The following TRIM37 variants were observed in gnomAD, a reference collection of about 807,000 sequenced individuals.
TRIM37 encodes the protein E3 ubiquitin-protein ligase TRIM37.
Under a neutral mutation model 129.8 loss-of-function variants are expected in TRIM37, and 80 were observed. That is an observed-to-expected ratio of 0.62 (90% CI 0.51 to 0.74). The LOEUF (loss-of-function observed/expected upper bound fraction) is 0.74. Ranked by LOEUF, TRIM37 falls within the 30% of genes least tolerant of loss-of-function variation. The probability of loss-of-function intolerance (pLI) is 0.00; values close to 1 mark genes in which losing one functional copy is unlikely to be tolerated. For missense variants in TRIM37, 1,054 were observed against 1,176.5 expected (o/e 0.90, Z 1.52); for synonymous variants, 389 against 387.1 (o/e 1.00, Z -0.06).
intron 9 of TRIM37, among the ~76,000 whole-genome samples, chr17:59,068,237 T>A (rs891888654): frequency 1.9e-4 from 29 of 152,182 alleles, no homozygotes; most frequent in African/African-American, 6.8e-4. Context: ...CTGCTGAAAG[T>A]GGTATAAGAA....
downstream of TRIM37, among the ~76,000 whole-genome samples, chr17:58,993,690 TG>T (rs1173161180): frequency 1.3e-5 from 2 of 152,166 alleles, no homozygotes; most frequent in Admixed American, 6.5e-5. Context: ...GTGACTGAAA[TG>T]TTCTGTATAG....
chr17:59,051,253 T>C lies in TRIM37; in HGVS notation c.1275A>G (p.Ala425=). 6.2e-7 allele frequency: 1 copy of C among 1,613,914 alleles called. No homozygotes were observed. The highest frequency in any genetic ancestry group is 8.5e-7 in the Non-Finnish European group (1 of 1,179,842). ...TTATTTGTTGGATATAACTAGTCTG[T>C]GCAGCTTCCAACTGAGTAATGTACC... ...QHWYITQLEA[A]QTSYIQQINN... The change falls in exon 14 of 24, where the codon GCA becomes GCG. Residue 425 remains alanine, a synonymous_variant. Coordinates refer to ENST00000262294, the MANE Select transcript of TRIM37 (RefSeq NM_015294.6).
rs1435924536 is a variant in TRIM37, at chr17:59,104,335, C to T, written c.81G>A (p.Leu27=). The change falls in exon 2 of 24, where the codon CTG becomes CTA. Residue 27 remains leucine (L), a synonymous_variant. Coordinates refer to ENST00000262294, the MANE Select transcript of TRIM37 (RefSeq NM_015294.6). ...AACACAGTTTGGAGCAATGAGGACACAGGCGTGCATCCCGCAATTTCTCCA... is the reference window on the plus strand; with the variant it reads ...AACACAGTTTGGAGCAATGAGGACATAGGCGTGCATCCCGCAATTTCTCCA... ...ICMEKLRDAR[L]CPHCSKLCCF... 6.2e-7 allele frequency: 1 copy of T among 1,614,184 alleles called. No homozygotes were observed. The highest frequency in any genetic ancestry group is 1.1e-5 in the South Asian group (1 of 91,084).
intron 19 of TRIM37, among the ~76,000 whole-genome samples, chr17:59,023,460 T>C (rs1233079126): frequency 7.2e-5 from 11 of 151,990 alleles, no homozygotes; most frequent in Admixed American, 5.9e-4. Context: ...AAGACCATCC[T>C]GGCTAACATG....
At chr17:59,055,458 G>A (rs2040763209) in intron 13 of TRIM37, among the ~76,000 whole-genome samples, 1 of 151,954 alleles carries the variant, frequency 6.6e-6, no homozygotes, top group African/African-American at 2.4e-5. Flanking sequence ...CACTTTGGAG[G>A]CTGAGGCAGG....
intron 4 of TRIM37, 97 bp from the exon 5 acceptor site, chr17:59,084,186 GATT>G: frequency 6.7e-6 from 6 of 901,454 alleles, no homozygotes; most frequent in Middle Eastern, 2.3e-4. Flanking sequence ...AGTTTTAAAT[GATT>G]ATATCTCAAG....
intron 2 of TRIM37, among the ~76,000 whole-genome samples, chr17:59,102,187 CA>C (rs1472245233): frequency 3.3e-5 from 5 of 152,046 alleles, no homozygotes; most frequent in Admixed American, 3.3e-4. Context: ...TCAAATTTCC[CA>C]AAGTAGGTGA....
chr17:58,985,156 T>C (rs1294336914), intron 24 of TRIM37: 1 of 152,664 alleles, frequency 6.6e-6, no homozygotes, highest in African/African-American at 2.4e-5. Context: ...ATTATCTTAA[T>C]AAAACCTGGC....
chr17:58,971,855 A>G, the TRIM37 span, among the ~76,000 whole-genome samples: 15 of 152,388 alleles, frequency 9.8e-5, no homozygotes, highest in Admixed American at 9.8e-4. Flanking sequence ...GGCAAGTCAC[A>G]TAACCTGCCA....
the TRIM37 span, chr17:58,973,033 C>A: frequency 1.5e-6 from 1 of 674,426 alleles, no homozygotes; most frequent in Non-Finnish European, 2.5e-6. Context: ...TACCAGAATG[C>A]TTATTATTCT....
At chr17:58,972,087 T>C in the TRIM37 span, 1 of 1,569,144 alleles carries the variant, frequency 6.4e-7, no homozygotes, top group Admixed American at 1.8e-5. Flanking sequence ...GAATGTAGTA[T>C]CTATTTCTTT....
At chr17:59,047,959 G>T in intron 15 of TRIM37, 140 bp from the exon 16 acceptor site, 1 of 923,204 alleles carries the variant, frequency 1.1e-6, no homozygotes, top group Non-Finnish European at 1.7e-6. Context: ...CTCAGCTGCT[G>T]AGCCCTGTAG....
At chr17:58,986,370 A>G (rs1233560846) in intron 24 of TRIM37, among the ~76,000 whole-genome samples, 3 of 150,004 alleles carry the variant, frequency 2.0e-5, no homozygotes, top group Non-Finnish European at 4.4e-5. Flanking sequence ...AGCTCATTTT[A>G]TTATTATTAG....
At chr17:58,982,006 G>A (rs1047112618), downstream of TRIM37, 6 of 152,602 alleles carry the variant, frequency 3.9e-5, no homozygotes, top group Admixed American at 2.6e-4. Context: ...TGATTTTAGA[G>A]AATGAAAAAT....
downstream of TRIM37, chr17:58,981,330 A>C: frequency 6.9e-6 from 2 of 291,296 alleles, no homozygotes; most frequent in Non-Finnish European, 1.3e-5. Context: ...CCTTCCCACC[A>C]TCCCTTCAGT....
chr17:59,031,801 A>T (rs1348004838), intron 18 of TRIM37, 95 bp downstream of exon 18: 1 of 1,247,298 alleles, frequency 8.0e-7, no homozygotes, highest in African/African-American at 1.5e-5. Flanking sequence ...GAAATACACC[A>T]TGTTCCACAC....
chr17:59,031,959 T>C lies in TRIM37; in HGVS notation c.1885A>G (p.Ser629Gly). 6.2e-7 allele frequency: 1 copy of C among 1,614,170 alleles called. No individual in the cohort carries two copies. Among genetic ancestry groups the C allele is most frequent in the Non-Finnish European group, 8.5e-7 (1 of 1,180,010 alleles). The change falls in exon 18 of 24, where the codon AGC (serine) becomes GGC (glycine). Residue 629 changes from serine (S) to glycine (G), a missense_variant. Ser to Gly is a moderately conservative substitution (Grantham distance 56, BLOSUM62 0). Coordinates refer to ENST00000262294, the MANE Select transcript of TRIM37 (RefSeq NM_015294.6). The stretch of plus-strand genomic sequence containing the variant: ...AAGCCCCACAAATTTTCTATACTGC[T>C]CCGGTCCTTAAGGTCCAACAAATGT... ...LIHLLDLKDR[S>G]SIENLWGLQP...
At chr17:59,068,841 G>C (rs984943520) in intron 9 of TRIM37, among the ~76,000 whole-genome samples, 3 of 152,168 alleles carry the variant, frequency 2.0e-5, no homozygotes, top group Admixed American at 6.5e-5. Context: ...GTGATTCTCA[G>C]TCAGGGGTGA....
intron 13 of TRIM37, among the ~76,000 whole-genome samples, chr17:59,055,738 C>T (rs185236241): frequency 2.8e-4 from 36 of 128,836 alleles, no homozygotes; most frequent in Admixed American, 2.7e-3. Context: ...AAGGATATAA[C>T]GAGGGGTAAC....
Sources: gnomAD v4.1 joint callset for allele counts (sites outside exome capture counted in the v4.1 genomes callset) on GRCh38, gnomAD v4.1.1 for gene constraint, MANE v1.5 for transcripts, NCBI Gene and HGNC (gene_info 2026-07-23, HGNC 2026-07-21) for gene names.